The following GRM7 variants were observed in gnomAD, a reference collection of about 807,000 sequenced individuals.
The protein encoded by GRM7 is metabotropic glutamate receptor 7.
Under a neutral mutation model 84.5 loss-of-function variants are expected in GRM7, and 35 were observed. That is an observed-to-expected ratio of 0.41 (90% CI 0.32 to 0.55). GRM7 has a LOEUF of 0.55. Among genes scored for constraint, GRM7 ranks in the 20% least tolerant of loss-of-function variants. GRM7 has a pLI of 0.19. For missense variants in GRM7, 1,003 were observed against 1,194.6 expected, an observed-to-expected ratio of 0.84 and a Z score of 2.36; for synonymous variants, 487 against 455.1, an observed-to-expected ratio of 1.07 and a Z score of -0.89.
At chr3:6,998,240 C>G (rs1694894532) in intron 1 of GRM7, among the ~76,000 whole-genome samples, 1 of 151,052 alleles carries the variant, frequency 6.6e-6, no homozygotes, top group South Asian at 2.1e-4. Flanking sequence ...GCTACAGGCC[C>G]CATTCAAGTT....
At chr3:7,361,664 G>T (rs1015816495) in intron 4 of GRM7, among the ~76,000 whole-genome samples, 3 of 152,044 alleles carry the variant, frequency 2.0e-5, no homozygotes, top group African/African-American at 4.8e-5. Flanking sequence ...GAAAGCAAAA[G>T]AAACCAGTAC....
intron 8 of GRM7, among the ~76,000 whole-genome samples, chr3:7,596,163 A>G (rs565154386): frequency 3.9e-5 from 6 of 152,338 alleles, no homozygotes; most frequent in Middle Eastern, 3.4e-3. Context: ...TTGATGCTAT[A>G]TAAGGTACAA....
intron 1 of GRM7, among the ~76,000 whole-genome samples, chr3:6,885,503 G>T (rs1253400406): frequency 6.6e-6 from 1 of 152,158 alleles, no homozygotes; most frequent in Admixed American, 6.6e-5. Flanking sequence ...TTATGCGGAG[G>T]TGTTTCCACC....
At chr3:7,432,620 C>T (rs1173765948) in intron 5 of GRM7, among the ~76,000 whole-genome samples, 1 of 147,910 alleles carries the variant, frequency 6.8e-6, no homozygotes, top group East Asian at 2.0e-4. Flanking sequence ...CCATGCCCAG[C>T]CGGGCATCTA....
chr3:7,058,135 G>A (rs56385917), intron 1 of GRM7, among the ~76,000 whole-genome samples: 143 of 151,600 alleles, frequency 9.4e-4, no homozygotes, highest in African/African-American at 2.9e-3. Context: ...ACAGACTTTC[G>A]GCCTATTTGA....
intron 7 of GRM7, among the ~76,000 whole-genome samples, chr3:7,508,630 C>T (rs944364886): frequency 2.6e-5 from 4 of 152,078 alleles, no homozygotes; most frequent in Non-Finnish European, 5.9e-5. Context: ...CTTTAGCAAT[C>T]ATTTAAGCTA....
At chr3:7,675,414 T>C (rs562633554) in intron 8 of GRM7, among the ~76,000 whole-genome samples, 3 of 152,366 alleles carry the variant, frequency 2.0e-5, no homozygotes, top group Admixed American at 6.5e-5. Flanking sequence ...GTGAGCACTA[T>C]GTAACAAGTT....
At chr3:7,599,078 T>G (rs1696185982) in intron 8 of GRM7, among the ~76,000 whole-genome samples, 1 of 152,166 alleles carries the variant, frequency 6.6e-6, no homozygotes, top group Non-Finnish European at 1.5e-5. Context: ...ATTATACAGA[T>G]CTGAGAACAG....
At chr3:7,230,077 G>T (rs1448837101) in intron 2 of GRM7, among the ~76,000 whole-genome samples, 2 of 151,502 alleles carry the variant, frequency 1.3e-5, no homozygotes, top group East Asian at 4.0e-4. Flanking sequence ...CTGACCTTGT[G>T]ATCCACCCAC....
intron 9 of GRM7, among the ~76,000 whole-genome samples, chr3:7,722,046 C>T (rs1701969272): frequency 6.6e-6 from 1 of 152,208 alleles, no homozygotes; most frequent in Non-Finnish European, 1.5e-5. Flanking sequence ...TCTGACATCT[C>T]CTTAAACCTC....
At chr3:7,459,646 C>A (rs540762992) in intron 6 of GRM7, among the ~76,000 whole-genome samples, 1 of 152,102 alleles carries the variant, frequency 6.6e-6, no homozygotes, top group African/African-American at 2.4e-5. Flanking sequence ...TTCACTACCA[C>A]AAGAACAGTA....
rs565578702 is a variant in GRM7, at chr3:7,340,893, C to T, written c.1033+34241C>T. Among the ~76,000 whole-genome samples, 18 of 152,234 alleles carry T rather than the reference C, an allele frequency of 1.2e-4. No individual in the cohort carries two copies. In the South Asian group the frequency reaches 3.3e-3, roughly 28 times the overall value. On this transcript the variant is annotated intron_variant, in intron 4 of 9. Transcript: ENST00000357716. Reference sequence around the variant, plus strand: ...TGCAAGGGTAGGAATTACGTGTCTGCATCAAGTCTAGAACTGGTAGTGAGG... The same window carrying T: ...TGCAAGGGTAGGAATTACGTGTCTGTATCAAGTCTAGAACTGGTAGTGAGG...
At chr3:7,454,713 C>A (rs6771374) in intron 6 of GRM7, among the ~76,000 whole-genome samples, 60,134 of 151,594 alleles carry the variant, frequency 0.4, 13,731 homozygotes, top group Non-Finnish European at 0.54. Flanking sequence ...GATAAAAATC[C>A]CTAACAAGGA....
intron 4 of GRM7, among the ~76,000 whole-genome samples, chr3:7,332,267 G>A (rs1394012628): frequency 3.3e-5 from 5 of 152,134 alleles, no homozygotes; most frequent in Admixed American, 2.0e-4. Context: ...CAACAACTTT[G>A]TGTGGGGAGA....
chr3:7,186,429 G>A (rs1178363324), intron 2 of GRM7, among the ~76,000 whole-genome samples: 1 of 152,164 alleles, frequency 6.6e-6, no homozygotes, highest in Non-Finnish European at 1.5e-5. Flanking sequence ...ACAAGAACTT[G>A]CAATAAATTC....
chr3:6,985,101 GT>G (rs1166745774), intron 1 of GRM7, among the ~76,000 whole-genome samples: 1 of 151,966 alleles, frequency 6.6e-6, no homozygotes, highest in Non-Finnish European at 1.5e-5. Flanking sequence ...TAGGTACATA[GT>G]AGACATATAT....
chr3:6,876,864 A>C (rs1449216281), intron 1 of GRM7, among the ~76,000 whole-genome samples: 1 of 152,094 alleles, frequency 6.6e-6, no homozygotes, highest in Non-Finnish European at 1.5e-5. Flanking sequence ...AGCCTTCCAA[A>C]GTGCTGAGAT....
intron 7 of GRM7, among the ~76,000 whole-genome samples, chr3:7,499,612 G>A (rs943590288): frequency 1.3e-5 from 2 of 152,000 alleles, no homozygotes; most frequent in Non-Finnish European, 2.9e-5. Flanking sequence ...GAGGAAACTG[G>A]GTCACGGAAG....
intron 2 of GRM7, among the ~76,000 whole-genome samples, chr3:7,228,149 G>C (rs1163743134): frequency 2.6e-5 from 4 of 152,146 alleles, no homozygotes; most frequent in Admixed American, 2.0e-4. Flanking sequence ...CTTCAGACCT[G>C]TGGGTAAGGT....
Sources: gnomAD v4.1 joint callset for allele counts (sites outside exome capture counted in the v4.1 genomes callset) on GRCh38, gnomAD v4.1.1 for gene constraint, MANE v1.5 for transcripts, NCBI Gene and HGNC (gene_info 2026-07-23, HGNC 2026-07-21) for gene names.